The following GSN variants were observed in gnomAD, a reference collection of about 807,000 sequenced individuals.
GSN encodes gelsolin.
In GSN, 56 loss-of-function variants were observed where a neutral mutation model predicts 85.7. The observed-to-expected ratio is 0.65, with a 90% CI of 0.53 to 0.82. The LOEUF (loss-of-function observed/expected upper bound fraction) is 0.82. GSN is among the 40% of genes least tolerant of loss of function. The pLI, the probability that GSN is intolerant of heterozygous loss-of-function variation, is 0.00. For missense variants in GSN, 857 were observed against 979.8 expected (o/e 0.87, Z 1.67); for synonymous variants, 373 against 399.1 (o/e 0.93, Z 0.78).
At chr9:121,304,767 C>G (rs768203524) in intron 4 of GSN, among the ~76,000 whole-genome samples, 1 of 152,150 alleles carries the variant, frequency 6.6e-6, no homozygotes, top group Non-Finnish European at 1.5e-5. Flanking sequence ...ACTGGAGGCT[C>G]AGAGAGGTCA....
At chr9:121,250,417 G>A (rs1167537265) in intron 6 of GSN, among the ~76,000 whole-genome samples, 5 of 152,012 alleles carry the variant, frequency 3.3e-5, no homozygotes, top group African/African-American at 9.7e-5. Flanking sequence ...TGTTGGCCAG[G>A]CTGGTTTCGA....
intron 6 of GSN, among the ~76,000 whole-genome samples, chr9:121,256,825 G>T (rs2054972150): frequency 6.6e-6 from 1 of 152,136 alleles, no homozygotes; most frequent in African/African-American, 2.4e-5. Flanking sequence ...GAAGGTAGAG[G>T]CTGCAGTGAG....
chr9:121,329,077 G>T lies in GSN; in HGVS notation c.1887+62G>T. The T allele has an allele frequency of 6.3e-7, 1 of 1,598,986 alleles. No homozygotes were observed. On this transcript the variant is annotated intron_variant, in intron 15 of 17. Transcript: ENST00000432226. The surrounding 1 kb of genome is among the most constrained non-coding windows in gnomAD (Gnocchi z 4.6). ...TCGGGAGGCGAGTTCCACAGGACTGGCCGGCAGCAGGGGCAGGAGAAACAG... is the reference window on the plus strand; with the variant it reads ...TCGGGAGGCGAGTTCCACAGGACTGTCCGGCAGCAGGGGCAGGAGAAACAG...
intron 2 of GSN, chr9:121,286,251 G>T: frequency 9.2e-7 from 1 of 1,082,814 alleles, no homozygotes; most frequent in South Asian, 1.4e-5. Context: ...AGGGAGACCC[G>T]AGGGAAAGTC....
In GSN at chr9:121,328,888, C is replaced by T. The variant is rs1489226730; in HGVS notation, c.1763-3C>T. ...TGGCAACTGGCGTGGCCTCCCCTCA[C>T]AGATGGCTTCTGGGAGGCCCTGGGC... On this transcript the variant is annotated splice_region_variant and splice_polypyrimidine_tract_variant and intron_variant, in intron 14 of 17. Transcript: ENST00000432226. 1 of 1,610,658 alleles carries T rather than the reference C, an allele frequency of 6.2e-7. No homozygotes were observed. The highest frequency in any genetic ancestry group is 1.1e-5 in the South Asian group (1 of 91,082).
chr9:121,235,826 A>T (rs2054481918), intron 5 of GSN, among the ~76,000 whole-genome samples: 1 of 152,228 alleles, frequency 6.6e-6, no homozygotes, highest in Non-Finnish European at 1.5e-5. Context: ...CTAGGGGGAC[A>T]GCCATGTGCC....
At chr9:121,282,195 T>C in intron 2 of GSN, 1 of 532,832 alleles carries the variant, frequency 1.9e-6, no homozygotes, top group Non-Finnish European at 3.5e-6. Context: ...AGCTTCAGCC[T>C]CGGTTTCTCC....
chr9:121,264,279 T>C (rs183454428), upstream of GSN, among the ~76,000 whole-genome samples: 180 of 151,952 alleles, frequency 1.2e-3, 4 homozygotes, highest in Admixed American at 0.011. Context: ...ATAGAGAGAC[T>C]TCATCTCTAC....
chr9:121,316,591 C>T (rs1415771376), intron 7 of GSN, among the ~76,000 whole-genome samples: 3 of 152,164 alleles, frequency 2.0e-5, no homozygotes, highest in African/African-American at 4.8e-5. Flanking sequence ...CCACTTCAGC[C>T]TCCCAAGTAG....
At chr9:121,302,256 T>A in intron 3 of GSN, 89 bp downstream of exon 3, 2 of 1,409,800 alleles carry the variant, frequency 1.4e-6, no homozygotes, top group Non-Finnish European at 2.0e-6. Flanking sequence ...GGGAACTGAT[T>A]ATTGAGCACC....
intron 1 of GSN, among the ~76,000 whole-genome samples, chr9:121,271,609 C>T (rs1212069736): frequency 1.3e-5 from 2 of 152,038 alleles, no homozygotes; most frequent in Non-Finnish European, 2.9e-5. Context: ...CTTGAAAATT[C>T]TTTCTAGTCC....
At chr9:121,303,203 T>G (rs929873453) in intron 4 of GSN, 138 bp downstream of exon 4, 2 of 810,288 alleles carry the variant, frequency 2.5e-6, no homozygotes, top group Admixed American at 2.0e-5. Flanking sequence ...CAACCAACAT[T>G]GTGTTTAAAT....
chr9:121,205,380 G>A (rs1220033341), upstream of GSN, among the ~76,000 whole-genome samples: 1 of 152,212 alleles, frequency 6.6e-6, no homozygotes, highest in Non-Finnish European at 1.5e-5. Context: ...TGAGGATTGG[G>A]TGTGCCTGCA....
At chr9:121,228,424 ATTTTTTTT>A (rs869071386) in intron 4 of GSN, among the ~76,000 whole-genome samples, 78 of 48,084 alleles carry the variant, frequency 1.6e-3, no homozygotes, top group African/African-American at 4.1e-3. Context: ...ATATATATAT[ATTTTTTTT>A]TTTTTTTTTT....
chr9:121,260,337 G>A (rs2055055425), intron 6 of GSN, among the ~76,000 whole-genome samples: 1 of 152,236 alleles, frequency 6.6e-6, no homozygotes, highest in Non-Finnish European at 1.5e-5. Flanking sequence ...TTGCTCATTA[G>A]GTATTGATTT....
chr9:121,276,494 C>G (rs542837023), intron 1 of GSN, among the ~76,000 whole-genome samples: 51 of 152,336 alleles, frequency 3.3e-4, no homozygotes, highest in African/African-American at 1.2e-3. Flanking sequence ...GATCCCATCC[C>G]CCAGAGACTT....
At chr9:121,245,396 AC>A (rs1211142753) in intron 5 of GSN, among the ~76,000 whole-genome samples, 1 of 152,122 alleles carries the variant, frequency 6.6e-6, no homozygotes, top group African/African-American at 2.4e-5. Context: ...TCACTCTGTC[AC>A]CCATGCAGGA....
At chr9:121,305,729 G>C (rs2133300317) in intron 4 of GSN, among the ~76,000 whole-genome samples, 1 of 152,354 alleles carries the variant, frequency 6.6e-6, no homozygotes, top group South Asian at 2.1e-4. Flanking sequence ...TGGGGCTTCT[G>C]TCCTGAAAGG....
At chr9:121,220,446 C>T (rs1459367311) in intron 4 of GSN, among the ~76,000 whole-genome samples, 1 of 70,832 alleles carries the variant, frequency 1.4e-5, no homozygotes, top group South Asian at 1.0e-3. Context: ...CCCCAGAAGC[C>T]GAGGGGGTAG....
Sources: allele counts gnomAD v4.1 joint callset (sites outside exome capture counted in the v4.1 genomes callset), GRCh38; gene constraint gnomAD v4.1.1; non-coding constraint Gnocchi (gnomAD v3.1); transcripts MANE v1.5; gene names NCBI Gene and HGNC (gene_info 2026-07-23, HGNC 2026-07-21).